The following ATP8A2 variants were observed in gnomAD, a reference collection of about 807,000 sequenced individuals.
The protein encoded by ATP8A2 is ATPase phospholipid transporting 8A2.
In ATP8A2, 100 loss-of-function variants were observed where a neutral mutation model predicts 165.6. That is an observed-to-expected ratio of 0.60 (90% CI 0.51 to 0.71). The LOEUF (loss-of-function observed/expected upper bound fraction) is 0.71. ATP8A2 is among the 30% of genes least tolerant of loss of function. ATP8A2 has a pLI of 0.00. For synonymous variants in ATP8A2, 543 were observed against 548.8 expected, an observed-to-expected ratio of 0.99 and a Z score of 0.15; for missense variants, 1,227 against 1,479.5, an observed-to-expected ratio of 0.83 and a Z score of 2.80.
chr13:25,836,606 C>G (rs887433303), intron 28 of ATP8A2, among the ~76,000 whole-genome samples: 1 of 152,180 alleles, frequency 6.6e-6, no homozygotes, highest in Non-Finnish European at 1.5e-5. Flanking sequence ...TGCCCTCCTC[C>G]ACTTCTGCAG....
At chr13:25,390,804 C>A (rs1566098490) in intron 1 of ATP8A2, among the ~76,000 whole-genome samples, 1 of 151,958 alleles carries the variant, frequency 6.6e-6, no homozygotes, top group Non-Finnish European at 1.5e-5. Flanking sequence ...GTGGTACACA[C>A]CTGTAATCCC....
chr13:25,981,340 A>G (rs1173299986), intron 35 of ATP8A2, among the ~76,000 whole-genome samples: 1 of 152,256 alleles, frequency 6.6e-6, no homozygotes, highest in Admixed American at 6.5e-5. Flanking sequence ...TGACTGACAT[A>G]ATATAACAGT....
chr13:25,868,349 G>C (rs561182189), intron 33 of ATP8A2, among the ~76,000 whole-genome samples: 1 of 152,190 alleles, frequency 6.6e-6, no homozygotes, highest in African/African-American at 2.4e-5. Context: ...GAATAGACTC[G>C]GTCCAGTTTT....
chr13:25,828,222 A>G (rs1252955190), intron 28 of ATP8A2, 30 bp downstream of exon 28: 11 of 1,548,658 alleles, frequency 7.1e-6, no homozygotes, highest in Non-Finnish European at 9.8e-6. Context: ...ATCTGATAGC[A>G]TGCAGAACTT....
intron 30 of ATP8A2, among the ~76,000 whole-genome samples, chr13:25,853,389 T>TAA (rs58660867): frequency 0.03 from 2,169 of 72,252 alleles, 58 homozygotes; most frequent in Admixed American, 0.086. Flanking sequence ...AGACTCTATC[T>TAA]AAAAAAAATA....
At chr13:25,931,504 G>T (rs1954768245) in intron 33 of ATP8A2, among the ~76,000 whole-genome samples, 1 of 152,126 alleles carries the variant, frequency 6.6e-6, no homozygotes, top group African/African-American at 2.4e-5. Context: ...TGCCCCATGG[G>T]CTCTGGTGTC....
At chr13:25,710,721 T>G (rs2043142164) in intron 25 of ATP8A2, among the ~76,000 whole-genome samples, 2 of 152,140 alleles carry the variant, frequency 1.3e-5, no homozygotes, top group Admixed American at 1.3e-4. Context: ...AAGGCCAGTC[T>G]GGTTATGACA....
chr13:25,884,576 T>C (rs1020608147), intron 33 of ATP8A2, among the ~76,000 whole-genome samples: 1 of 152,208 alleles, frequency 6.6e-6, no homozygotes, highest in African/African-American at 2.4e-5. Flanking sequence ...CTTGGGAAGA[T>C]AGAGGATGTT....
intron 24 of ATP8A2, among the ~76,000 whole-genome samples, chr13:25,597,279 C>T (rs1430152820): frequency 6.6e-6 from 1 of 152,098 alleles, no homozygotes; most frequent in Admixed American, 6.6e-5. Flanking sequence ...ATAATTCCTG[C>T]CTCCTGGTGT....
rs9578855 is a variant in ATP8A2, at chr13:25,378,547, C to T, written c.76+6259C>T. 2.2e-3 allele frequency among the ~76,000 whole-genome samples: 334 copies of T among 152,250 alleles called. 1 individual carries two copies. Among genetic ancestry groups the T allele is most frequent in the South Asian group, 0.011 (53 of 4,816 alleles). On this transcript the variant is annotated intron_variant, in intron 1 of 36. Transcript: ENST00000381655. ...CCCTTTCTTGTCACAGAGAAGAGAACTTTGTTATTTTTGGCTTTCACTGGA... is the reference window on the plus strand; with the variant it reads ...CCCTTTCTTGTCACAGAGAAGAGAATTTTGTTATTTTTGGCTTTCACTGGA...
intron 27 of ATP8A2, among the ~76,000 whole-genome samples, chr13:25,802,748 C>A (rs1016351945): frequency 1.3e-5 from 2 of 152,270 alleles, no homozygotes; most frequent in African/African-American, 4.8e-5. Context: ...CACGTTGAAA[C>A]TCCTGTGGTT....
At chr13:25,425,774 C>T (rs2034432375) in intron 1 of ATP8A2, among the ~76,000 whole-genome samples, 1 of 152,102 alleles carries the variant, frequency 6.6e-6, no homozygotes, top group Non-Finnish European at 1.5e-5. Context: ...GACGGGGTTT[C>T]ACTGTGTTAG....
At chr13:25,685,249 G>C (rs550964933) in intron 24 of ATP8A2, among the ~76,000 whole-genome samples, 1 of 152,110 alleles carries the variant, frequency 6.6e-6, no homozygotes, top group East Asian at 1.9e-4. Context: ...TGCTCCCTCC[G>C]TCCAGGCCGA....
intron 28 of ATP8A2, among the ~76,000 whole-genome samples, chr13:25,831,612 G>A (rs1328523697): frequency 6.6e-6 from 1 of 152,076 alleles, no homozygotes; most frequent in African/African-American, 2.4e-5. Context: ...GGAGGCTGAA[G>A]CAGGTGGATC....
chr13:25,798,225 CT>C, intron 27 of ATP8A2, among the ~76,000 whole-genome samples: 1 of 152,264 alleles, frequency 6.6e-6, no homozygotes, highest in Non-Finnish European at 1.5e-5. Flanking sequence ...TTCATTTGCA[CT>C]ATAAGAAATG....
intron 27 of ATP8A2, among the ~76,000 whole-genome samples, chr13:25,807,009 A>G (rs1167840337): frequency 6.6e-6 from 1 of 152,058 alleles, no homozygotes; most frequent in Admixed American, 6.6e-5. Context: ...TTCTTTGCCC[A>G]TTTTTGGATT....
rs76214271 is a variant in ATP8A2 at position 25,678,364 on chromosome 13, T to C, written c.2212-20809T>C. Reference sequence around the variant, plus strand: ...CACTTAGTGACAGGCTGGCAGCAGGTGGAGGATATGGCCGGGAGTATTGCT... The same window carrying C: ...CACTTAGTGACAGGCTGGCAGCAGGCGGAGGATATGGCCGGGAGTATTGCT... On this transcript the variant is annotated intron_variant, in intron 24 of 36. Coordinates refer to ENST00000381655, the MANE Select transcript of ATP8A2 (RefSeq NM_016529.6). Among the ~76,000 whole-genome samples the C allele has an allele frequency of 0.019, 2,939 of 151,968 alleles. 200 individuals are homozygous for C. The East Asian group carries it at 0.24, about 12-fold the overall frequency.
At chr13:25,373,141 C>T (rs2032488378) in intron 1 of ATP8A2, among the ~76,000 whole-genome samples, 1 of 152,072 alleles carries the variant, frequency 6.6e-6, no homozygotes, top group African/African-American at 2.4e-5. Context: ...AAAGAGGAGC[C>T]CCAAAAATGA....
chr13:25,554,913 T>A (rs1403632363), intron 12 of ATP8A2, 78 bp from the exon 13 acceptor site: 1 of 967,994 alleles, frequency 1.0e-6, no homozygotes, highest in Non-Finnish European at 1.6e-6. Context: ...ATTCTTAGCT[T>A]CTTTTCTGTG....
Sources: allele counts gnomAD v4.1 joint callset (sites outside exome capture counted in the v4.1 genomes callset), GRCh38; gene constraint gnomAD v4.1.1; transcripts MANE v1.5; gene names NCBI Gene and HGNC (gene_info 2026-07-23, HGNC 2026-07-21).